The following NAV1 variants were observed in gnomAD, a reference collection of about 807,000 sequenced individuals.
NAV1 encodes neuron navigator 1, also known as pore membrane and/or filament interacting like protein 3.
A neutral mutation model predicts 175.2 loss-of-function variants in NAV1; 18 were observed. The observed-to-expected ratio is 0.10, with a 90% CI of 0.07 to 0.15. The LOEUF is 0.15. Ranked by LOEUF, NAV1 falls within the 10% of genes least tolerant of loss-of-function variation. The pLI is 1.00. For missense variants in NAV1, 1,731 were observed against 2,436.6 expected (o/e 0.71, Z 6.10); for synonymous variants, 897 against 978.7 (o/e 0.92, Z 1.56).
intron 3 of NAV1, among the ~76,000 whole-genome samples, chr1:201,756,876 CTT>C (rs1558131882): frequency 9.6e-4 from 105 of 109,408 alleles, no homozygotes; most frequent in African/African-American, 3.9e-3. Context: ...TTCTTTCTTT[CTT>C]TCTTTCTCTG....
At chr1:201,779,934 C>G (rs139851176) in intron 3 of NAV1, among the ~76,000 whole-genome samples, 1 of 151,992 alleles carries the variant, frequency 6.6e-6, no homozygotes, top group East Asian at 1.9e-4. Flanking sequence ...AACGGAGGCT[C>G]AATGAGAAAT....
intron 1 of NAV1, among the ~76,000 whole-genome samples, chr1:201,674,890 C>G (rs1265154402): frequency 1.3e-5 from 2 of 151,986 alleles, no homozygotes; most frequent in Admixed American, 6.6e-5. Flanking sequence ...TACACACACA[C>G]ATAGCTGGGT....
upstream of NAV1, among the ~76,000 whole-genome samples, chr1:201,622,033 A>T (rs1391993034): frequency 1.3e-5 from 2 of 152,252 alleles, no homozygotes; most frequent in Admixed American, 6.5e-5. Flanking sequence ...TGGAAGAGAC[A>T]AGATCAAGTG....
At chr1:201,579,112 G>A (rs1442898001) in intron 1 of NAV1, among the ~76,000 whole-genome samples, 2 of 151,862 alleles carry the variant, frequency 1.3e-5, no homozygotes, top group African/African-American at 2.4e-5. Context: ...TAGCCTGAGC[G>A]GCAAGAGCAA....
intron 1 of NAV1, among the ~76,000 whole-genome samples, chr1:201,682,115 C>CAAAAA (rs34550001): frequency 1.2e-5 from 1 of 83,472 alleles, no homozygotes; most frequent in Non-Finnish European, 2.4e-5. Context: ...GACTCCATCT[C>CAAAAA]AAAAAAAAAA....
At chr1:201,623,065 G>T in exon 1 of NAV1, 1 of 985,932 alleles carries the variant, frequency 1.0e-6, no homozygotes. Flanking sequence ...ACTGGGAAAG[G>T]CTGCAGGTCC....
At chr1:201,655,372 C>T (rs1003578698) in intron 1 of NAV1, among the ~76,000 whole-genome samples, 4 of 152,256 alleles carry the variant, frequency 2.6e-5, no homozygotes, top group Admixed American at 6.5e-5. Flanking sequence ...GACCTCCCCC[C>T]ACACCCTGTT....
chr1:201,541,549 G>A (rs1455135669), intron 1 of NAV1, among the ~76,000 whole-genome samples: 4 of 152,150 alleles, frequency 2.6e-5, no homozygotes, highest in Non-Finnish European at 5.9e-5. Context: ...TAAGAGGGGC[G>A]GATCACCTGA....
chr1:201,779,413 GA>G (rs1676160763), intron 3 of NAV1, among the ~76,000 whole-genome samples: 1 of 148,154 alleles, frequency 6.7e-6, no homozygotes, highest in Non-Finnish European at 1.5e-5. Context: ...CCAACATGGT[GA>G]AACCCTGTCT....
At chr1:201,693,638 G>A (rs779229499) in intron 1 of NAV1, among the ~76,000 whole-genome samples, 1 of 152,166 alleles carries the variant, frequency 6.6e-6, no homozygotes, top group South Asian at 2.1e-4. Flanking sequence ...AGGCTTCTTG[G>A]AGGAGGTATG....
At chr1:201,781,147 C>T (rs770856006) in exon 5 of NAV1, 25 of 1,614,068 alleles carry the variant, frequency 1.5e-5, no homozygotes, top group Non-Finnish European at 1.5e-5. Context: ...TTCTAAGTGG[C>T]GGAGGGAGCG....
At chr1:201,773,819 T>C (rs1353562852) in intron 3 of NAV1, among the ~76,000 whole-genome samples, 1 of 152,248 alleles carries the variant, frequency 6.6e-6, no homozygotes, top group Non-Finnish European at 1.5e-5. Context: ...TAATCTGTTA[T>C]AGCTCCCTTG....
chr1:201,779,598 CAAAAAAAAA>C (rs10624879), intron 3 of NAV1, among the ~76,000 whole-genome samples: 6 of 69,064 alleles, frequency 8.7e-5, no homozygotes, highest in Admixed American at 2.1e-4. Context: ...GACTCCGTCT[CAAAAAAAAA>C]AAAAAAAAAA....
At chr1:201,564,376 A>T (rs2102467594) in intron 1 of NAV1, among the ~76,000 whole-genome samples, 1 of 152,268 alleles carries the variant, frequency 6.6e-6, no homozygotes, top group Middle Eastern at 3.4e-3. Context: ...GCACTTTGGG[A>T]GGCCGAGGCG....
chr1:201,563,360 G>A (rs188684003), intron 1 of NAV1, among the ~76,000 whole-genome samples: 102 of 152,172 alleles, frequency 6.7e-4, no homozygotes, highest in South Asian at 4.6e-3. Flanking sequence ...TTTTTTTCTG[G>A]TGTATCTTTC....
At chr1:201,761,706 C>T (rs138111346) in intron 3 of NAV1, among the ~76,000 whole-genome samples, 629 of 152,340 alleles carry the variant, frequency 4.1e-3, no homozygotes, top group Admixed American at 7.4e-3. Context: ...GTTTTTGCTT[C>T]TGTCAACCCT....
At chr1:201,670,298 G>A (rs1014947427) in intron 1 of NAV1, among the ~76,000 whole-genome samples, 1 of 145,940 alleles carries the variant, frequency 6.9e-6, no homozygotes, top group Non-Finnish European at 1.5e-5. Flanking sequence ...GGAGAATGGC[G>A]TGAACCTGGG....
At chr1:201,600,295 C>T (rs1225247181) in intron 2 of NAV1, among the ~76,000 whole-genome samples, 3 of 152,308 alleles carry the variant, frequency 2.0e-5, no homozygotes, top group African/African-American at 4.8e-5. Flanking sequence ...TTACTCCTGC[C>T]CCATGCCCTG....
chr1:201,615,267 C>CTTTTT (rs949162841), intron 2 of NAV1, among the ~76,000 whole-genome samples: 106 of 142,014 alleles, frequency 7.5e-4, no homozygotes, highest in African/African-American at 2.1e-3. Context: ...TTCTTTCTTT[C>CTTTTT]TTTTTTTTTT....
Sources: gnomAD v4.1 joint callset for allele counts (sites outside exome capture counted in the v4.1 genomes callset) on GRCh38, gnomAD v4.1.1 for gene constraint, MANE v1.5 for transcripts, NCBI Gene and HGNC (gene_info 2026-07-23, HGNC 2026-07-21) for gene names.